CAMK1D: variants seen among roughly 807,000 people sequenced by gnomAD.
CAMK1D encodes the protein calcium/calmodulin-dependent protein kinase type 1D.
A neutral mutation model predicts 47.7 loss-of-function variants in CAMK1D; 9 were observed. That is an observed-to-expected ratio of 0.19 (90% confidence interval 0.11 to 0.33). The LOEUF (loss-of-function observed/expected upper bound fraction) is 0.33. CAMK1D is among the 10% of genes least tolerant of loss of function. CAMK1D has a pLI of 1.00. For synonymous variants in CAMK1D, 184 were observed against 184.9 expected, an observed-to-expected ratio of 0.99 and a Z score of 0.04; for missense variants, 291 against 488.7, an observed-to-expected ratio of 0.60 and a Z score of 3.81.
intron 1 of CAMK1D, among the ~76,000 whole-genome samples, chr10:12,470,530 T>A (rs1833714182): frequency 6.6e-6 from 1 of 152,004 alleles, no homozygotes; most frequent in Non-Finnish European, 1.5e-5. Context: ...CTTTTTTTTT[T>A]CTTCCAACAT....
In CAMK1D at chr10:12,413,373, C is replaced by T. The variant is rs146332215; in HGVS notation, c.92+63463C>T. On this transcript the variant is annotated intron_variant, in intron 1 of 10. Transcript: ENST00000619168. The stretch of plus-strand genomic sequence containing the variant: ...ACCTCCCACCAGGCCCCACCTCCAG[C>T]ACTGGGGAGTACAATTCATCATAAC... Among the ~76,000 whole-genome samples, 194 of 152,296 alleles carry T rather than the reference C, an allele frequency of 1.3e-3. 5 individuals are homozygous for T. The East Asian group carries it at 0.028, about 22-fold the overall frequency.
At chr10:12,689,336 A>G (rs956426037) in intron 3 of CAMK1D, among the ~76,000 whole-genome samples, 7 of 152,104 alleles carry the variant, frequency 4.6e-5, no homozygotes, top group Non-Finnish European at 8.8e-5. Flanking sequence ...TTAGTAACCT[A>G]TTTCGCCTGT....
intron 4 of CAMK1D, among the ~76,000 whole-genome samples, chr10:12,765,410 G>A (rs1836705366): frequency 6.6e-6 from 1 of 151,504 alleles, no homozygotes; most frequent in South Asian, 2.1e-4. Context: ...GAAATTAGGG[G>A]GATTTTTGCT....
intron 3 of CAMK1D, among the ~76,000 whole-genome samples, chr10:12,677,981 C>G (rs1388851737): frequency 6.6e-6 from 1 of 151,764 alleles, no homozygotes; most frequent in Non-Finnish European, 1.5e-5. Context: ...ATTTTTTCTG[C>G]CACTGGAAAA....
At chr10:12,558,344 A>G (rs1304133511) in intron 2 of CAMK1D, among the ~76,000 whole-genome samples, 7 of 152,198 alleles carry the variant, frequency 4.6e-5, no homozygotes, top group Non-Finnish European at 7.3e-5. Context: ...GCTTGAGGTC[A>G]AGAGCTTGAG....
chr10:12,729,816 C>T (rs961468116), intron 3 of CAMK1D, among the ~76,000 whole-genome samples: 4 of 152,002 alleles, frequency 2.6e-5, no homozygotes, highest in Non-Finnish European at 2.9e-5. Context: ...TGAGGACACC[C>T]GAAGTGCGAG....
At position 12,694,977 on chromosome 10, in the gene CAMK1D, A is replaced by C. The variant is rs547378898; in HGVS notation, c.299+28167A>C. On this transcript the variant is annotated intron_variant, in intron 3 of 10. Transcript: ENST00000619168. Reference sequence around the variant, plus strand: ...TAAAAAATAAGTAAGTAAATAAATAAATAAATCCTCGTTGGAGTGGACCAA... The same window carrying C: ...TAAAAAATAAGTAAGTAAATAAATACATAAATCCTCGTTGGAGTGGACCAA... Among the ~76,000 whole-genome samples, 62 of 152,260 alleles carry C rather than the reference A, an allele frequency of 4.1e-4. 1 individual carries two copies. Among genetic ancestry groups the C allele is most frequent in the African/African-American group, 1.5e-3 (62 of 41,546 alleles).
At chr10:12,468,695 C>T (rs983155875) in intron 1 of CAMK1D, among the ~76,000 whole-genome samples, 10 of 152,180 alleles carry the variant, frequency 6.6e-5, no homozygotes, top group Non-Finnish European at 8.8e-5. Context: ...TGACCCTGCC[C>T]TCCAGCCCAT....
At chr10:12,425,597 C>G (rs1464563489) in intron 1 of CAMK1D, among the ~76,000 whole-genome samples, 1 of 152,124 alleles carries the variant, frequency 6.6e-6, no homozygotes, top group East Asian at 1.9e-4. Flanking sequence ...GCCCCTTTGC[C>G]TACGCCCTCC....
At chr10:12,677,067 A>G (rs764775836) in intron 3 of CAMK1D, among the ~76,000 whole-genome samples, 2 of 152,186 alleles carry the variant, frequency 1.3e-5, no homozygotes, top group Non-Finnish European at 2.9e-5. Flanking sequence ...TGGTACCCCC[A>G]AGGCATGAAA....
intron 1 of CAMK1D, among the ~76,000 whole-genome samples, chr10:12,452,487 TA>T (rs1833113252): frequency 1.3e-5 from 2 of 151,866 alleles, no homozygotes; most frequent in Admixed American, 1.3e-4. Flanking sequence ...AATGTATAAA[TA>T]TACATTTATT....
intron 3 of CAMK1D, among the ~76,000 whole-genome samples, chr10:12,734,342 AAAAATATATAT>A (rs1835037308): frequency 1.2e-3 from 22 of 18,444 alleles, no homozygotes; most frequent in East Asian, 4.4e-3. Context: ...AAAAAAAAAA[AAAAATATATAT>A]ATATATATAT....
At chr10:12,357,958 C>G (rs971874763) in intron 1 of CAMK1D, among the ~76,000 whole-genome samples, 2 of 152,042 alleles carry the variant, frequency 1.3e-5, no homozygotes, top group African/African-American at 4.8e-5. Context: ...CAAATACATG[C>G]CGTAGGTCAA....
At chr10:12,660,029 C>G (rs558333565) in intron 2 of CAMK1D, among the ~76,000 whole-genome samples, 1 of 152,210 alleles carries the variant, frequency 6.6e-6, no homozygotes, top group African/African-American at 2.4e-5. Context: ...TCTCTCCCTT[C>G]CGATTGTATT....
At chr10:12,745,916 C>T (rs182188517) in intron 3 of CAMK1D, among the ~76,000 whole-genome samples, 11 of 152,250 alleles carry the variant, frequency 7.2e-5, no homozygotes, top group Non-Finnish European at 1.3e-4. Context: ...CGAAATCTGA[C>T]AACTTTCTTC....
intron 1 of CAMK1D, among the ~76,000 whole-genome samples, chr10:12,455,386 C>T (rs988949278): frequency 1.3e-5 from 2 of 152,160 alleles, no homozygotes; most frequent in African/African-American, 2.4e-5. Context: ...GTGGCCCAGG[C>T]TGGTGTCAAA....
At chr10:12,389,011 A>G (rs1373400543) in intron 1 of CAMK1D, among the ~76,000 whole-genome samples, 3 of 152,096 alleles carry the variant, frequency 2.0e-5, no homozygotes, top group African/African-American at 4.8e-5. Flanking sequence ...GCTGATGGAG[A>G]CACCACCATA....
At chr10:12,362,716 TAGTC>T (rs1223366022) in intron 1 of CAMK1D, among the ~76,000 whole-genome samples, 15 of 152,162 alleles carry the variant, frequency 9.9e-5, no homozygotes, top group African/African-American at 3.1e-4. Flanking sequence ...TTCACCGTGT[TAGTC>T]AGGATAGTCG....
chr10:12,609,757 A>G (rs188415635), intron 2 of CAMK1D, among the ~76,000 whole-genome samples: 221 of 152,302 alleles, frequency 1.5e-3, no homozygotes, highest in Non-Finnish European at 2.6e-4. Context: ...CTAACAGGCC[A>G]CAGACTGGTA....
Sources: allele counts gnomAD v4.1 joint callset (sites outside exome capture counted in the v4.1 genomes callset), GRCh38; gene constraint gnomAD v4.1.1; transcripts MANE v1.5; gene names NCBI Gene and HGNC (gene_info 2026-07-23, HGNC 2026-07-21).